The following RNF180 variants were observed in gnomAD, a reference collection of about 807,000 sequenced individuals.
The protein encoded by RNF180 is E3 ubiquitin-protein ligase RNF180.
Under a neutral mutation model 59.2 loss-of-function variants are expected in RNF180, and 38 were observed. That is an observed-to-expected ratio of 0.64 (90% confidence interval 0.50 to 0.84). RNF180 has a LOEUF of 0.84. Among genes scored for constraint, RNF180 ranks in the 40% least tolerant of loss-of-function variants. The probability of loss-of-function intolerance (pLI) is 0.00; values close to 1 mark genes in which losing one functional copy is unlikely to be tolerated. For missense variants in RNF180, 705 were observed against 700.9 expected (o/e 1.01, Z -0.07); for synonymous variants, 262 against 240.3 (o/e 1.09, Z -0.84).
chr5:64,194,052 G>A (rs1032894898), intron 1 of RNF180, among the ~76,000 whole-genome samples: 7 of 151,894 alleles, frequency 4.6e-5, no homozygotes, highest in East Asian at 1.9e-4. Flanking sequence ...TGTGCACAAC[G>A]TGCAGGTTTG....
At chr5:64,357,565 C>G (rs1580305965) in intron 7 of RNF180, among the ~76,000 whole-genome samples, 1 of 151,892 alleles carries the variant, frequency 6.6e-6, no homozygotes, top group Non-Finnish European at 1.5e-5. Flanking sequence ...AGGACAGTCT[C>G]AAAAATATGC....
chr5:64,177,500 A>AT (rs1396795799), intron 1 of RNF180, among the ~76,000 whole-genome samples: 1 of 130,536 alleles, frequency 7.7e-6, no homozygotes, highest in South Asian at 2.5e-4. Context: ...CTCTATCTAG[A>AT]TTTTTTTCAA....
chr5:64,243,916 C>G (rs950510173), intron 5 of RNF180, among the ~76,000 whole-genome samples: 1 of 152,140 alleles, frequency 6.6e-6, no homozygotes, highest in South Asian at 2.1e-4. Context: ...CTTTGCTGTT[C>G]TGCAGTCTTT....
chr5:64,248,978 A>G (rs138636852), intron 5 of RNF180, among the ~76,000 whole-genome samples: 2 of 152,276 alleles, frequency 1.3e-5, no homozygotes, highest in African/African-American at 4.8e-5. Context: ...GCTGGAAACT[A>G]TCACTCTCAG....
At chr5:64,214,551 G>A in intron 4 of RNF180, 34 bp downstream of exon 4, 6 of 1,578,726 alleles carry the variant, frequency 3.8e-6, no homozygotes, top group Non-Finnish European at 5.2e-6. Flanking sequence ...CTAAAAATCT[G>A]TATTATAAAT....
At chr5:64,254,063 C>T (rs563588679) in intron 5 of RNF180, among the ~76,000 whole-genome samples, 1 of 152,236 alleles carries the variant, frequency 6.6e-6, no homozygotes, top group East Asian at 1.9e-4. Flanking sequence ...AGCTTGCAAA[C>T]TAGGCCTTAA....
chr5:64,346,972 GAATT>G (rs1745583728), intron 7 of RNF180, among the ~76,000 whole-genome samples: 1 of 152,168 alleles, frequency 6.6e-6, no homozygotes, highest in Non-Finnish European at 1.5e-5. Context: ...GATGAAGAAT[GAATT>G]AATCAGAAGA....
intron 7 of RNF180, among the ~76,000 whole-genome samples, chr5:64,358,702 A>G (rs1746123205): frequency 6.6e-6 from 1 of 151,680 alleles, no homozygotes; most frequent in Non-Finnish European, 1.5e-5. Flanking sequence ...CAGGTTAGTT[A>G]CATATGTATA....
chr5:64,344,349 GAACATTTCATGGCAATAAAAGA>G (rs993428917), intron 7 of RNF180, among the ~76,000 whole-genome samples: 32 of 152,070 alleles, frequency 2.1e-4, no homozygotes, highest in Non-Finnish European at 3.4e-4. Flanking sequence ...GAGAAAAAAG[GAACATTTCATGGCAATAAAAGA>G]GGCAATTCCA....
At chr5:64,172,019 T>G (rs1199235521) in intron 1 of RNF180, among the ~76,000 whole-genome samples, 2 of 152,234 alleles carry the variant, frequency 1.3e-5, no homozygotes, top group Non-Finnish European at 2.9e-5. Context: ...CAGTTCTCTT[T>G]GTTTGAGCTT....
chr5:64,307,001 A>T (rs987036761), intron 5 of RNF180, among the ~76,000 whole-genome samples: 1 of 148,248 alleles, frequency 6.7e-6, no homozygotes, highest in Admixed American at 6.9e-5. Flanking sequence ...ATAAAAAAAT[A>T]AAAATAAAAA....
chr5:64,342,791 A>C (rs1354861523), intron 7 of RNF180, among the ~76,000 whole-genome samples: 1 of 152,144 alleles, frequency 6.6e-6, no homozygotes, highest in African/African-American at 2.4e-5. Context: ...GAAAAACAAC[A>C]CACTAAACAC....
At position 64,187,082 on chromosome 5, in the gene RNF180, T is replaced by C. The variant is rs1750908991; in HGVS notation, c.1-13726T>C. Among the ~76,000 whole-genome samples, 3 of 152,188 alleles carry C rather than the reference T, an allele frequency of 2.0e-5. No individual in the cohort carries two copies. In the South Asian group the frequency reaches 6.2e-4, roughly 32 times the overall value. On this transcript the variant is annotated intron_variant, in intron 1 of 7. Transcript: ENST00000389100. Reference sequence around the variant, plus strand: ...CATGTCTGCATTTCTTCAGTAATATTTTATAATTCTTAAAGATGTCACTTG... The same window carrying C: ...CATGTCTGCATTTCTTCAGTAATATCTTATAATTCTTAAAGATGTCACTTG...
At chr5:64,343,385 G>C (rs570172812) in intron 7 of RNF180, among the ~76,000 whole-genome samples, 8 of 152,186 alleles carry the variant, frequency 5.3e-5, no homozygotes, top group African/African-American at 1.9e-4. Flanking sequence ...GATATAATCT[G>C]TTGAATATGT....
At position 64,354,434 on chromosome 5, in the gene RNF180, G is replaced by A. The variant is rs116552102; in HGVS notation, c.1580-15181G>A. On this transcript the variant is annotated intron_variant, in intron 7 of 7. Coordinates refer to ENST00000389100, the MANE Select transcript of RNF180 (RefSeq NM_001113561.2). ...GAAAATCTCAACAGAACTATAACAA[G>A]TAAAAAGATTGAATCAGTAATCACA... Among the ~76,000 whole-genome samples, 641 of 151,800 alleles carry A rather than the reference G, an allele frequency of 4.2e-3. 5 individuals carry two copies. The highest frequency in any genetic ancestry group is 0.014 in the African/African-American group (599 of 41,478).
intron 2 of RNF180, among the ~76,000 whole-genome samples, chr5:64,210,691 A>G (rs2112102221): frequency 6.6e-6 from 1 of 152,120 alleles, no homozygotes; most frequent in Non-Finnish European, 1.5e-5. Context: ...ACTGAAGTAC[A>G]CCTCTTCCTG....
At chr5:64,302,789 A>G (rs1580211642) in intron 5 of RNF180, among the ~76,000 whole-genome samples, 2 of 151,746 alleles carry the variant, frequency 1.3e-5, no homozygotes, top group Admixed American at 1.3e-4. Context: ...TTGTCCAAGG[A>G]TTTGTAGGGG....
intron 1 of RNF180, among the ~76,000 whole-genome samples, chr5:64,182,184 A>G (rs557122374): frequency 0.01 from 1,590 of 151,732 alleles, 14 homozygotes; most frequent in Non-Finnish European, 0.015. Flanking sequence ...ATAGAGACGG[A>G]GTTTCACTGT....
chr5:64,304,144 A>G (rs937713171), intron 5 of RNF180, among the ~76,000 whole-genome samples: 1 of 144,306 alleles, frequency 6.9e-6, no homozygotes, highest in Non-Finnish European at 1.6e-5. Flanking sequence ...AGAAAAAAAA[A>G]GGCTTTTCAA....
Sources: allele counts gnomAD v4.1 joint callset (sites outside exome capture counted in the v4.1 genomes callset), GRCh38; gene constraint gnomAD v4.1.1; transcripts MANE v1.5; gene names NCBI Gene and HGNC (gene_info 2026-07-23, HGNC 2026-07-21).